Variants in OSBPL2 observed in about 807,000 individuals in gnomAD.
OSBPL2 encodes the protein oxysterol-binding protein-related protein 2.
A neutral mutation model predicts 58.4 loss-of-function variants in OSBPL2; 18 were observed. That is an observed-to-expected ratio of 0.31 (90% CI 0.21 to 0.46). The LOEUF (loss-of-function observed/expected upper bound fraction) is 0.46. OSBPL2 is among the 20% of genes least tolerant of loss of function. The pLI is 1.00. For synonymous variants in OSBPL2, 221 were observed against 234.1 expected (o/e 0.94, Z 0.51); for missense variants, 461 against 616.5 (o/e 0.75, Z 2.67).
chr20:62,267,965 C>T (rs1225396011), intron 4 of OSBPL2, among the ~76,000 whole-genome samples: 1 of 152,126 alleles, frequency 6.6e-6, no homozygotes, highest in Non-Finnish European at 1.5e-5. Flanking sequence ...TCACTGCAAC[C>T]TCTGCCTCCT....
chr20:62,251,037 A>ATTTTTTTTT (rs35328509), intron 1 of OSBPL2, among the ~76,000 whole-genome samples: 3 of 97,812 alleles, frequency 3.1e-5, no homozygotes, highest in African/African-American at 4.0e-5. Flanking sequence ...AGAGCAATAG[A>ATTTTTTTTT]TTTTTTTTTT....
chr20:62,246,936 C>T (rs998265819), intron 1 of OSBPL2, among the ~76,000 whole-genome samples: 4 of 152,186 alleles, frequency 2.6e-5, no homozygotes, highest in Non-Finnish European at 5.9e-5. Flanking sequence ...ACTTGTTTCC[C>T]TTCCTGGTGC....
In OSBPL2 at chr20:62,280,133, C is replaced by T. The variant is rs1033293548; in HGVS notation, c.674+794C>T. On this transcript the variant is annotated intron_variant, in intron 7 of 13. Transcript: ENST00000313733. The stretch of plus-strand genomic sequence containing the variant: ...CACCAGTTCTGAGACGTGAGTCTTG[C>T]CAAGCCACTGCCTGCAGTCTTGTTG... The T allele has an allele frequency of 1.4e-5, 18 of 1,301,704 alleles. No homozygotes were observed. The African/African-American group carries it at 2.1e-4, about 15-fold the overall frequency. The allele number at this position is 1,301,704 out of a possible 1,614,324, so 80.6% of individuals were successfully genotyped here.
intron 1 of OSBPL2, among the ~76,000 whole-genome samples, chr20:62,253,113 C>T (rs1236562286): frequency 2.0e-5 from 3 of 152,260 alleles, no homozygotes; most frequent in African/African-American, 7.2e-5. Flanking sequence ...GGGAGGCACC[C>T]AAGGCCGTCT....
intron 1 of OSBPL2, among the ~76,000 whole-genome samples, chr20:62,243,467 G>C (rs62204466): frequency 2.3e-4 from 14 of 60,728 alleles, no homozygotes; most frequent in Non-Finnish European, 4.7e-4. Flanking sequence ...GCCCCGCAGC[G>C]CCTGCCCGGC....
chr20:62,294,795 T>A lies in OSBPL2; in HGVS notation c.*908T>A, dbSNP rs1983755793. ...TTTTTCCCAGTATGCATGTTTAAAATAGAAGTGACAAGAATCACATCCGGT... is the reference window on the plus strand; with the variant it reads ...TTTTTCCCAGTATGCATGTTTAAAAAAGAAGTGACAAGAATCACATCCGGT... On this transcript the variant is annotated 3_prime_UTR_variant, in exon 14 of 14. Coordinates refer to ENST00000313733, the MANE Select transcript of OSBPL2 (RefSeq NM_144498.4). 2 of 152,208 alleles carry A rather than the reference T, an allele frequency of 1.3e-5. No homozygotes were observed. The highest frequency in any genetic ancestry group is 4.1e-4 in the South Asian group (2 of 4,830). The allele number at this position is 152,208 out of a possible 1,614,324, so 9.4% of individuals were successfully genotyped here.
At position 62,251,746 on chromosome 20, in the gene OSBPL2, C is replaced by T. The variant is rs2145921798; in HGVS notation, c.-128-4311C>T. On this transcript the variant is annotated intron_variant, in intron 1 of 13. Coordinates refer to ENST00000313733, the MANE Select transcript of OSBPL2 (RefSeq NM_144498.4). Reference sequence around the variant, plus strand: ...TAAAAATGAGCAGGAATCCTCCTACCATCAGATACTCACTGTGTTTAGATT... The same window carrying T: ...TAAAAATGAGCAGGAATCCTCCTACTATCAGATACTCACTGTGTTTAGATT... 1.3e-5 allele frequency among the ~76,000 whole-genome samples: 2 copies of T among 151,926 alleles called. 1 individual carries two copies. Among genetic ancestry groups the T allele is most frequent in the South Asian group, 4.2e-4 (2 of 4,806 alleles).
chr20:62,265,628 G>T (rs1981611696), intron 4 of OSBPL2, among the ~76,000 whole-genome samples: 1 of 152,166 alleles, frequency 6.6e-6, no homozygotes, highest in Non-Finnish European at 1.5e-5. Flanking sequence ...GTGTGCTAAT[G>T]CTCATGCATA....
chr20:62,251,775 A>G (rs1372026105), intron 1 of OSBPL2, among the ~76,000 whole-genome samples: 2 of 147,200 alleles, frequency 1.4e-5, no homozygotes, highest in Non-Finnish European at 3.0e-5. Flanking sequence ...TTAGATTTCC[A>G]CTGTCTTATA....
rs766714179 is a variant in OSBPL2 at position 62,260,036 on chromosome 20, G to T, written c.93G>T (p.Thr31=). ...GEFSEANQKV[T]GMIDLDTSKN... is the part of the protein sequence containing the mutation. The stretch of plus-strand genomic sequence containing the variant: ...TTTCAGAGGCAAATCAGAAAGTCAC[G>T]GGAATGATTGACTTAGACACCAGCA... The change falls in exon 3 of 14, where the codon ACG becomes ACT. Residue 31 remains threonine (T), a synonymous_variant. Coordinates refer to ENST00000313733, the MANE Select transcript of OSBPL2 (RefSeq NM_144498.4). 1 of 1,613,322 alleles carries T rather than the reference G, an allele frequency of 6.2e-7. No homozygotes were observed. Among genetic ancestry groups the T allele is most frequent in the South Asian group, 1.1e-5 (1 of 91,062 alleles).
At chr20:62,289,737 C>T (rs890712321) in intron 12 of OSBPL2, among the ~76,000 whole-genome samples, 6 of 152,084 alleles carry the variant, frequency 3.9e-5, no homozygotes, top group Non-Finnish European at 5.9e-5. Flanking sequence ...AACTCCATCT[C>T]TACTAAAAAT....
At chr20:62,289,631 C>T (rs564776975) in intron 12 of OSBPL2, among the ~76,000 whole-genome samples, 25 of 152,338 alleles carry the variant, frequency 1.6e-4, no homozygotes, top group African/African-American at 5.1e-4. Flanking sequence ...AGGCCGAGCG[C>T]GGTGGCTCAC....
At chr20:62,239,946 G>A (rs961978129) in intron 1 of OSBPL2, among the ~76,000 whole-genome samples, 4 of 152,254 alleles carry the variant, frequency 2.6e-5, no homozygotes, top group African/African-American at 9.6e-5. Flanking sequence ...TCCGTCTCCC[G>A]GCTTCAAGCC....
intron 13 of OSBPL2, among the ~76,000 whole-genome samples, chr20:62,293,035 AT>A (rs1306946289): frequency 1.1e-3 from 160 of 144,526 alleles, no homozygotes; most frequent in East Asian, 1.8e-3. Flanking sequence ...CGCCTGGCTA[AT>A]TTTTTTTTTT....
rs149348543 is a variant in OSBPL2, at chr20:62,279,348, C to T, written c.674+9C>T. Reference sequence around the variant, plus strand: ...ACCCTGGAGCTGCTCAAGTGAGTGTCGGTGCGTCCTGCTGAGATCCGCTTC... The same window carrying T: ...ACCCTGGAGCTGCTCAAGTGAGTGTTGGTGCGTCCTGCTGAGATCCGCTTC... On this transcript the variant is annotated intron_variant, in intron 7 of 13. Transcript: ENST00000313733. 1.7e-4 allele frequency: 281 copies of T among 1,613,590 alleles called. No homozygotes were observed. In the African/African-American group the frequency reaches 3.0e-3, roughly 17 times the overall value.
intron 9 of OSBPL2, among the ~76,000 whole-genome samples, chr20:62,282,462 T>C (rs1982856775): frequency 6.6e-6 from 1 of 152,184 alleles, no homozygotes; most frequent in South Asian, 2.1e-4. Context: ...TCGTAAGGAA[T>C]TTGAGCCATA....
intron 1 of OSBPL2, 104 bp from the exon 2 acceptor site, chr20:62,255,953 A>C (rs1980893329): frequency 2.1e-6 from 1 of 477,428 alleles, no homozygotes; most frequent in African/African-American, 2.0e-5. Context: ...ATTTGCTTAC[A>C]TGGAATTTAG....
chr20:62,279,461 C>T (rs895828908), intron 7 of OSBPL2, 122 bp downstream of exon 7: 11 of 972,412 alleles, frequency 1.1e-5, no homozygotes, highest in Admixed American at 5.2e-5. Flanking sequence ...AGGTGGGGAC[C>T]TCCCCACAGC....
chr20:62,276,412 A>G (rs565783959), intron 6 of OSBPL2, among the ~76,000 whole-genome samples: 65 of 152,228 alleles, frequency 4.3e-4, no homozygotes, highest in Non-Finnish European at 7.5e-4. Flanking sequence ...TTCTGTATAT[A>G]AATCACTATG....
Sources: gnomAD v4.1 joint callset for allele counts (sites outside exome capture counted in the v4.1 genomes callset) on GRCh38, gnomAD v4.1.1 for gene constraint, MANE v1.5 for transcripts, NCBI Gene and HGNC (gene_info 2026-07-23, HGNC 2026-07-21) for gene names.